Variants in POLD1 observed in about 807,000 individuals in gnomAD.
The protein encoded by POLD1 is DNA polymerase delta catalytic subunit.
A neutral mutation model predicts 129.7 loss-of-function variants in POLD1; 79 were observed. The ratio of observed to expected loss-of-function variants is 0.61; its 90% CI spans 0.51 to 0.73. The LOEUF is 0.73. POLD1 is among the 30% of genes least tolerant of loss of function. POLD1 has a pLI of 0.00. For synonymous variants in POLD1, 714 were observed against 683.3 expected, an observed-to-expected ratio of 1.04 and a Z score of -0.70; for missense variants, 1,338 against 1,595.8, an observed-to-expected ratio of 0.84 and a Z score of 2.75.
In POLD1 at chr19:50,402,061, A is replaced by G. The variant is rs1601199616; in HGVS notation, c.526A>G (p.Ser176Gly). The G allele has an allele frequency of 1.2e-6, 2 of 1,614,040 alleles. No individual in the cohort carries two copies. Among genetic ancestry groups the G allele is most frequent in the Non-Finnish European group, 1.7e-6 (2 of 1,179,976 alleles). Residue 176 changes from serine (S) to glycine (G), a missense_variant, in exon 5 of 27, where the codon AGT (serine) becomes GGT (glycine). Ser to Gly is a moderately conservative substitution (Grantham distance 56). This residue lies in a region of POLD1 where 332 missense variants were observed against 315.7 expected (regional missense o/e 1.05). Transcript: ENST00000440232. ...RELNLAISRD[S>G]RGGRELTGPA... ...GCTGAACTTGGCCATCAGCCGGGAC[A>G]GTCGCGGGGGGAGGGAGCTGACTGG...
chr19:50,415,746 A>G lies in POLD1; in HGVS notation c.2740A>G (p.Ser914Gly), dbSNP rs2122480677. Residue 914 changes from serine to glycine, a missense_variant, in exon 22 of 27, where the codon AGT becomes GGT. Around this residue, in one of 3 missense-constraint regions of POLD1, gnomAD observed 720 missense variants for 1,002.6 expected, o/e 0.72. Coordinates refer to ENST00000440232, the MANE Select transcript of POLD1 (RefSeq NM_002691.4). ...AERMRKRDPG[S>G]APSLGDRVPY... ...CAGGATGAGGAAGCGGGACCCCGGG[A>G]GTGCGCCCAGCCTGGGCGACCGCGT... 6.9e-7 allele frequency: 1 copy of G among 1,453,444 alleles called. No individual in the cohort carries two copies. Among genetic ancestry groups the G allele is most frequent in the Non-Finnish European group, 9.2e-7 (1 of 1,091,396 alleles). The allele number at this position is 1,453,444 out of a possible 1,614,324, so 90.0% of individuals were successfully genotyped here. A position where few individuals can be genotyped will look rare whatever the true frequency, so the allele number is the denominator to read the frequency against.
At chr19:50,399,555 C>T (rs1047482246) in intron 3 of POLD1, 71 bp downstream of exon 3, 8 of 1,161,922 alleles carry the variant, frequency 6.9e-6, no homozygotes, top group Non-Finnish European at 1.0e-5. Context: ...CAGGTCAGCC[C>T]CTCTGGCCCT....
At chr19:50,398,171 G>A (rs2038440616) in intron 1 of POLD1, among the ~76,000 whole-genome samples, 1 of 152,200 alleles carries the variant, frequency 6.6e-6, no homozygotes, top group Non-Finnish European at 1.5e-5. Flanking sequence ...AAGTATTTAG[G>A]TTGGTGCAAA....
intron 26 of POLD1, among the ~76,000 whole-genome samples, 191 bp downstream of exon 26, chr19:50,417,460 G>A (rs1303254706): frequency 6.6e-6 from 1 of 152,202 alleles, no homozygotes; most frequent in African/African-American, 2.4e-5. Context: ...CCCCAGAGGG[G>A]GTGGGTGCTT....
chr19:50,387,216 C>T (rs1368448784), intron 1 of POLD1, among the ~76,000 whole-genome samples: 3 of 152,128 alleles, frequency 2.0e-5, no homozygotes, highest in African/African-American at 7.2e-5. Context: ...ACCTGCGAGG[C>T]TGAGGCAGGA....
intron 14 of POLD1, chr19:50,408,572 A>G: frequency 1.5e-6 from 1 of 679,270 alleles, no homozygotes; most frequent in East Asian, 2.8e-5. Flanking sequence ...TTGTAGAGAT[A>G]GGGTTTTGCC....
rs1440946792 is a variant in POLD1, at chr19:50,416,703, G to A, written c.3047G>A (p.Arg1016His). The A allele has an allele frequency of 5.8e-6, 9 of 1,541,272 alleles. No individual in the cohort carries two copies. The highest frequency in any genetic ancestry group is 2.4e-5 in the South Asian group (2 of 84,134). ...AKRRNCCIGC[R>H]TVLSHQGAVC... ...CGCCGCAACTGCTGCATTGGCTGCCGCACAGTGCTCAGCCACCAGGGTGAG... is the reference window on the plus strand; with the variant it reads ...CGCCGCAACTGCTGCATTGGCTGCCACACAGTGCTCAGCCACCAGGGTGAG... The change falls in exon 24 of 27, where the codon CGC (arginine) becomes CAC (histidine). Residue 1016 changes from arginine (R) to histidine (H), a missense_variant. This residue lies in a region of POLD1 where 286 missense variants were observed against 277.5 expected (regional missense o/e 1.03). Transcript: ENST00000440232.
intron 1 of POLD1, among the ~76,000 whole-genome samples, chr19:50,384,926 C>T (rs1167588164): frequency 1.3e-5 from 2 of 152,140 alleles, no homozygotes; most frequent in East Asian, 1.9e-4. Flanking sequence ...ATCGACCGCT[C>T]TGGGACCCTC....
Position 50,415,495 on chromosome 19 carries a change from C to T in POLD1, c.2622C>T (p.Asn874=). 6.2e-7 allele frequency: 1 copy of T among 1,613,364 alleles called. No homozygotes were observed. The highest frequency in any genetic ancestry group is 8.5e-7 in the Non-Finnish European group (1 of 1,179,930). Residue 874 remains asparagine (N), a synonymous_variant, in exon 21 of 27, where the codon AAC becomes AAT. Transcript: ENST00000440232. Reference sequence around the variant, plus strand: ...ACGTCATCTCGGACCTGCTGTGCAACCGCATCGATATCTCCCAGCTGGTCA... The same window carrying T: ...ACGTCATCTCGGACCTGCTGTGCAATCGCATCGATATCTCCCAGCTGGTCA... ...AQDVISDLLC[N]RIDISQLVIT...
chr19:50,407,201 A>C (rs2122341403), intron 13 of POLD1, 27 bp downstream of exon 13: 1 of 1,578,810 alleles, frequency 6.3e-7, no homozygotes. Flanking sequence ...TGTCCTCGCC[A>C]CCCCCCACCA....
chr19:50,388,825 C>T (rs1013813729), intron 1 of POLD1, among the ~76,000 whole-genome samples: 15 of 88,898 alleles, frequency 1.7e-4, no homozygotes, highest in African/African-American at 3.4e-4. Context: ...GCAGTTAACT[C>T]TTTTTTTTTT....
chr19:50,416,990 G>C (rs1292934356), intron 24 of POLD1, 55 bp from the exon 25 acceptor site: 40 of 1,506,672 alleles, frequency 2.7e-5, no homozygotes, highest in Non-Finnish European at 3.6e-5. Context: ...GCAGGGATGG[G>C]GTGGCCCAGT....
Position 50,406,595 on chromosome 19 carries a change from C to A in POLD1, c.1494+78C>A, listed in dbSNP as rs2038894601. The A allele has an allele frequency of 1.9e-6, 2 of 1,039,878 alleles. No individual in the cohort carries two copies. Among genetic ancestry groups the A allele is most frequent in the Non-Finnish European group, 2.9e-6 (2 of 687,178 alleles). The allele number at this position is 1,039,878 out of a possible 1,614,324, so 64.4% of individuals were successfully genotyped here. Reference sequence around the variant, plus strand: ...CTTCCCCGGCCTCTGACCTCAACTTCACGCCCCCACGTCTGACCTCACTCT... The same window carrying A: ...CTTCCCCGGCCTCTGACCTCAACTTAACGCCCCCACGTCTGACCTCACTCT... On this transcript the variant is annotated intron_variant, in intron 12 of 26. Coordinates refer to ENST00000440232, the MANE Select transcript of POLD1 (RefSeq NM_002691.4). This position sits in a 1 kb window ranked among gnomAD's most constrained non-coding sequence, Gnocchi z 5.5.
intron 19 of POLD1, 126 bp from the exon 20 acceptor site, chr19:50,414,689 C>T (rs1165205214): frequency 2.9e-5 from 21 of 718,746 alleles, no homozygotes; most frequent in Admixed American, 1.7e-4. Context: ...CCACCAGGCT[C>T]AGGGCACGGC....
intron 1 of POLD1, among the ~76,000 whole-genome samples, chr19:50,395,584 C>CAAA (rs536089528): frequency 8.0e-6 from 1 of 125,588 alleles, no homozygotes; most frequent in African/African-American, 2.8e-5. Context: ...ACTCCGTCTC[C>CAAA]AAAAAAAAAA....
intron 22 of POLD1, 31 bp downstream of exon 22, chr19:50,415,857 C>T (rs1268494412): frequency 1.4e-6 from 2 of 1,385,892 alleles, no homozygotes; most frequent in East Asian, 5.0e-5. Context: ...TGCTCCCGCC[C>T]AGCCCCCTCG....
At chr19:50,403,273 C>A in intron 9 of POLD1, 54 bp downstream of exon 9, 2 of 1,478,282 alleles carry the variant, frequency 1.4e-6, no homozygotes, top group Non-Finnish European at 1.8e-6. Flanking sequence ...CCAGCCTCCG[C>A]GTCCTGAGCC....
intron 10 of POLD1, among the ~76,000 whole-genome samples, chr19:50,403,839 A>G (rs899903474): frequency 6.6e-6 from 1 of 152,226 alleles, no homozygotes; most frequent in Non-Finnish European, 1.5e-5. Context: ...TGTGCATTCA[A>G]GGTCGGCCTG....
rs1410979380 is a variant in POLD1, at chr19:50,401,842, C to T, written c.381C>T (p.Ala127=). Residue 127 remains alanine, a synonymous_variant, in exon 4 of 27, where the codon GCC becomes GCT. Coordinates refer to ENST00000440232, the MANE Select transcript of POLD1 (RefSeq NM_002691.4). ...GCGGCTCCGTGCCTGTGCTCCGCGC[C>T]TTCGGGGTCACCGATGAGGGGTTCT... ...PSRGSVPVLR[A]FGVTDEGFSV... is the part of the protein sequence containing the mutation. The T allele has an allele frequency of 5.0e-6, 8 of 1,613,944 alleles. No homozygotes were observed. Among genetic ancestry groups the T allele is most frequent in the Non-Finnish European group, 6.8e-6 (8 of 1,179,930 alleles).
Sources: allele counts gnomAD v4.1 joint callset (sites outside exome capture counted in the v4.1 genomes callset), GRCh38; gene constraint gnomAD v4.1.1; regional missense constraint gnomAD v4.1.1; non-coding constraint Gnocchi (gnomAD v3.1); transcripts MANE v1.5; gene names NCBI Gene and HGNC (gene_info 2026-07-23, HGNC 2026-07-21).